KLHL2: variants seen among roughly 807,000 people sequenced by gnomAD.
KLHL2 encodes the protein kelch-like protein 2.
KLHL2 carries 15 observed loss-of-function variants against 75.8 expected under a neutral mutation model. That is an observed-to-expected ratio of 0.20 (90% CI 0.13 to 0.30). The LOEUF (loss-of-function observed/expected upper bound fraction) is 0.30, where lower values mean the gene tolerates loss of function less well. KLHL2 is among the 10% of genes least tolerant of loss of function. The pLI, the probability that KLHL2 is intolerant of heterozygous loss-of-function variation, is 1.00. For missense variants in KLHL2, 381 were observed against 741.0 expected (o/e 0.51, Z 5.64); for synonymous variants, 214 against 251.9 (o/e 0.85, Z 1.42).
intron 13 of KLHL2, among the ~76,000 whole-genome samples, chr4:165,315,560 T>G (rs927526457): frequency 2.7e-4 from 41 of 152,348 alleles, no homozygotes; most frequent in African/African-American, 9.1e-4. Flanking sequence ...ATAACAAAAT[T>G]TGAATTATTT....
intron 2 of KLHL2, among the ~76,000 whole-genome samples, chr4:165,221,508 G>A (rs373854292): frequency 6.6e-6 from 1 of 152,008 alleles, no homozygotes; most frequent in Non-Finnish European, 1.5e-5. Flanking sequence ...TGCAGTGCAC[G>A]TGGCGGTGGA....
At chr4:165,229,615 G>C (rs1560987267) in intron 3 of KLHL2, among the ~76,000 whole-genome samples, 1 of 152,206 alleles carries the variant, frequency 6.6e-6, no homozygotes, top group Non-Finnish European at 1.5e-5. Context: ...AAGTATTTCT[G>C]GTGCTACTGT....
intron 3 of KLHL2, among the ~76,000 whole-genome samples, chr4:165,234,666 G>A (rs1293116364): frequency 7.0e-6 from 1 of 143,068 alleles, no homozygotes; most frequent in Non-Finnish European, 1.5e-5. Context: ...CCAGGCTGGA[G>A]TGCAGTGGCA....
At chr4:165,304,133 AGCCTCCCAAAGTGCTG>A in intron 8 of KLHL2, among the ~76,000 whole-genome samples, 1 of 146,224 alleles carries the variant, frequency 6.8e-6, no homozygotes, top group African/African-American at 2.5e-5. Context: ...TGTCCGCTTC[AGCCTCCCAAAGTGCTG>A]GGATTACAGA....
chr4:165,261,051 C>T (rs561425240), intron 4 of KLHL2, among the ~76,000 whole-genome samples: 1 of 152,248 alleles, frequency 6.6e-6, no homozygotes, highest in African/African-American at 2.4e-5. Flanking sequence ...GAGGAGTGAT[C>T]ATACTATTTG....
chr4:165,321,180 T>G (rs925840489), intron 14 of KLHL2: 1 of 449,898 alleles, frequency 2.2e-6, no homozygotes, highest in African/African-American at 2.0e-5. Context: ...AACAGTGTAT[T>G]TCCTTAAAGT....
At chr4:165,240,040 C>A (rs1459865715) in intron 4 of KLHL2, among the ~76,000 whole-genome samples, 1 of 152,068 alleles carries the variant, frequency 6.6e-6, no homozygotes, top group African/African-American at 2.4e-5. Context: ...AATGAGTGAA[C>A]ATTTTTATAT....
At chr4:165,264,704 G>GTGTATATATATATATATATA (rs1323043527) in intron 5 of KLHL2, among the ~76,000 whole-genome samples, 6 of 82,844 alleles carry the variant, frequency 7.2e-5, no homozygotes, top group Non-Finnish European at 1.3e-4. Context: ...GTGTGTGTGT[G>GTGTATATATATATATATATA]TATATATATA....
intron 4 of KLHL2, among the ~76,000 whole-genome samples, chr4:165,241,690 G>A (rs1739829812): frequency 6.6e-6 from 1 of 152,194 alleles, no homozygotes; most frequent in Admixed American, 6.5e-5. Flanking sequence ...GTAGAATGCT[G>A]AGGTCCAGCC....
intron 13 of KLHL2, among the ~76,000 whole-genome samples, chr4:165,315,813 T>C (rs1746550869): frequency 6.6e-6 from 1 of 152,128 alleles, no homozygotes; most frequent in Non-Finnish European, 1.5e-5. Context: ...ATGTATTCAA[T>C]GTTAAGCGGG....
intron 1 of KLHL2, among the ~76,000 whole-genome samples, chr4:165,210,487 G>A (rs1447633191): frequency 6.6e-6 from 1 of 152,048 alleles, no homozygotes; most frequent in Non-Finnish European, 1.5e-5. Context: ...AAAAATTGTC[G>A]TTGGACTATA....
chr4:165,227,924 G>GTC (rs1738580298), intron 2 of KLHL2, among the ~76,000 whole-genome samples: 1 of 150,332 alleles, frequency 6.7e-6, no homozygotes, highest in African/African-American at 2.5e-5. Context: ...TTGAAACAGA[G>GTC]TCTCACTCTG....
intron 4 of KLHL2, among the ~76,000 whole-genome samples, chr4:165,259,436 A>G (rs1209461241): frequency 1.3e-5 from 2 of 152,202 alleles, no homozygotes; most frequent in African/African-American, 4.8e-5. Flanking sequence ...CTATTAATGC[A>G]AGAAGTTTAT....
intron 7 of KLHL2, among the ~76,000 whole-genome samples, chr4:165,298,722 G>A (rs910829779): frequency 1.3e-5 from 2 of 152,104 alleles, no homozygotes; most frequent in Non-Finnish European, 2.9e-5. Context: ...GCAGGCATGA[G>A]GCCAGGAGTT....
chr4:165,224,913 C>A (rs1461875192), intron 2 of KLHL2, among the ~76,000 whole-genome samples: 1 of 152,144 alleles, frequency 6.6e-6, no homozygotes, highest in Non-Finnish European at 1.5e-5. Flanking sequence ...ACTACAGTCA[C>A]CCTATTGTGA....
intron 1 of KLHL2, chr4:165,209,485 G>C (rs28667471): frequency 6.6e-6 from 1 of 152,246 alleles, no homozygotes; most frequent in Non-Finnish European, 1.5e-5. Context: ...GTGTGGGAAA[G>C]CAGCCTCTGG....
rs1385208792 is a variant in KLHL2, at chr4:165,225,564, G to C, written c.153-3243G>C. Reference sequence around the variant, plus strand: ...TTAGAAATTCACCATGGAAGACTTTGCATATGGGCTGCTAAAAGAAGTTTT... The same window carrying C: ...TTAGAAATTCACCATGGAAGACTTTCCATATGGGCTGCTAAAAGAAGTTTT... On this transcript the variant is annotated intron_variant, in intron 2 of 14. Coordinates refer to ENST00000226725, the MANE Select transcript of KLHL2 (RefSeq NM_007246.4). Among the ~76,000 whole-genome samples, 3 of 152,032 alleles carry C rather than the reference G, an allele frequency of 2.0e-5. No homozygotes were observed. The East Asian group carries it at 5.8e-4, about 29-fold the overall frequency.
At chr4:165,211,163 G>C (rs1429150838) in intron 1 of KLHL2, among the ~76,000 whole-genome samples, 1 of 151,976 alleles carries the variant, frequency 6.6e-6, no homozygotes, top group African/African-American at 2.4e-5. Flanking sequence ...TAACTGACCT[G>C]TAAAATTAAA....
chr4:165,255,425 T>A (rs543313614), intron 4 of KLHL2, among the ~76,000 whole-genome samples: 7 of 152,242 alleles, frequency 4.6e-5, no homozygotes, highest in African/African-American at 1.7e-4. Context: ...TTAAACTCTG[T>A]GGGACATACC....
Sources: gnomAD v4.1 joint callset for allele counts (sites outside exome capture counted in the v4.1 genomes callset) on GRCh38, gnomAD v4.1.1 for gene constraint, MANE v1.5 for transcripts, NCBI Gene and HGNC (gene_info 2026-07-23, HGNC 2026-07-21) for gene names.